Variants in TOP6BL observed in about 807,000 individuals in gnomAD.
TOP6BL encodes type 2 DNA topoisomerase 6 subunit B-like.
the TOP6BL span, chr11:66,796,446 A>C: frequency 3.9e-6 from 4 of 1,015,268 alleles, no homozygotes; most frequent in African/African-American, 6.5e-5. Flanking sequence ...GGACATGGAC[A>C]GATGTGATTG....
the TOP6BL span, among the ~76,000 whole-genome samples, chr11:66,842,523 G>C: frequency 6.6e-6 from 1 of 152,234 alleles, no homozygotes; most frequent in East Asian, 1.9e-4. Context: ...AGGGGGGACA[G>C]AGGCTGGCAG....
chr11:66,753,214 TGCAGGCAA>T, the TOP6BL span, among the ~76,000 whole-genome samples: 1 of 152,118 alleles, frequency 6.6e-6, no homozygotes, highest in African/African-American at 2.4e-5. Context: ...TGTGTGTGTA[TGCAGGCAA>T]GCAGGCAAGT....
At chr11:66,805,354 T>G in the TOP6BL span, among the ~76,000 whole-genome samples, 4 of 152,206 alleles carry the variant, frequency 2.6e-5, no homozygotes, top group Non-Finnish European at 5.9e-5. Context: ...AGTTCATTAT[T>G]AAGGTAGGGA....
chr11:66,765,874 G>T, the TOP6BL span, among the ~76,000 whole-genome samples: 2 of 152,162 alleles, frequency 1.3e-5, no homozygotes, highest in Non-Finnish European at 2.9e-5. Context: ...AAGGAAATTG[G>T]TGAAGAATAA....
the TOP6BL span, chr11:66,801,040 T>G: frequency 1.2e-6 from 2 of 1,613,898 alleles, no homozygotes; most frequent in Non-Finnish European, 8.5e-7. Flanking sequence ...GGGTGGAGAA[T>G]GAACCCACTT....
At chr11:66,766,259 G>A in the TOP6BL span, among the ~76,000 whole-genome samples, 2 of 152,096 alleles carry the variant, frequency 1.3e-5, no homozygotes, top group Non-Finnish European at 2.9e-5. Context: ...TCTTCAATCT[G>A]TTCTACCAGG....
chr11:66,744,823 GGC>G, the TOP6BL span: 1 of 1,293,410 alleles, frequency 7.7e-7, no homozygotes, highest in African/African-American at 1.5e-5. Context: ...AGGAGGGGGC[GGC>G]GGCGGCGGCG....
chr11:66,796,380 G>C, the TOP6BL span: 3 of 1,572,076 alleles, frequency 1.9e-6, no homozygotes, highest in Non-Finnish European at 2.6e-6. Context: ...CTGTTCCTTT[G>C]TACAATAATG....
At chr11:66,745,312 G>GA in the TOP6BL span, among the ~76,000 whole-genome samples, 7 of 149,288 alleles carry the variant, frequency 4.7e-5, no homozygotes, top group African/African-American at 1.5e-4. Flanking sequence ...TGCGGGGCGG[G>GA]GTGGGGGGAG....
the TOP6BL span, among the ~76,000 whole-genome samples, chr11:66,806,123 C>T: frequency 6.6e-6 from 1 of 152,112 alleles, no homozygotes; most frequent in Non-Finnish European, 1.5e-5. Context: ...ATTTTAGAGT[C>T]TCAGTTTCCT....
At chr11:66,791,278 A>G in the TOP6BL span, among the ~76,000 whole-genome samples, 1 of 152,232 alleles carries the variant, frequency 6.6e-6, no homozygotes, top group African/African-American at 2.4e-5. Context: ...GTTTATGCCC[A>G]CAGCTAGTCT....
chr11:66,841,926 C>T, the TOP6BL span, among the ~76,000 whole-genome samples: 1 of 152,218 alleles, frequency 6.6e-6, no homozygotes, highest in Non-Finnish European at 1.5e-5. Context: ...CAAAACCCAG[C>T]TCTGGGGCAG....
chr11:66,837,163 G>A, the TOP6BL span, among the ~76,000 whole-genome samples: 2 of 151,966 alleles, frequency 1.3e-5, no homozygotes, highest in African/African-American at 4.8e-5. Context: ...GTCTCACTCT[G>A]TCGCCCAGGC....
chr11:66,843,035 C>A, the TOP6BL span: 3 of 1,556,560 alleles, frequency 1.9e-6, no homozygotes, highest in Admixed American at 3.9e-5. Context: ...AGGGCCCTGG[C>A]GCCGGGCAGG....
the TOP6BL span, among the ~76,000 whole-genome samples, chr11:66,789,283 A>G: frequency 6.6e-6 from 1 of 152,176 alleles, no homozygotes; most frequent in South Asian, 2.1e-4. Context: ...AGATCTCTTT[A>G]TCGACTTATT....
chr11:66,769,889 C>T, the TOP6BL span, among the ~76,000 whole-genome samples: 1 of 151,668 alleles, frequency 6.6e-6, no homozygotes, highest in Admixed American at 6.6e-5. Context: ...TACAGGCGCC[C>T]ACCACCACGC....
At chr11:66,770,134 A>G in the TOP6BL span, among the ~76,000 whole-genome samples, 1 of 152,158 alleles carries the variant, frequency 6.6e-6, no homozygotes, top group Non-Finnish European at 1.5e-5. Flanking sequence ...AGGAAAGGCC[A>G]TGTGAGGGCA....
chr11:66,823,578 T>TG, the TOP6BL span, among the ~76,000 whole-genome samples: 1 of 152,032 alleles, frequency 6.6e-6, no homozygotes, highest in Non-Finnish European at 1.5e-5. Context: ...CCCAGCACTT[T>TG]GGGAGGCTGA....
At chr11:66,786,297 TAA>T in the TOP6BL span, among the ~76,000 whole-genome samples, 3 of 144,858 alleles carry the variant, frequency 2.1e-5, no homozygotes, top group Non-Finnish European at 4.6e-5. Flanking sequence ...AACTCTGTCT[TAA>T]AAAAAAAAAA....
Sources: allele counts gnomAD v4.1 joint callset (sites outside exome capture counted in the v4.1 genomes callset), GRCh38; gene constraint gnomAD v4.1.1; transcripts MANE v1.5; gene names NCBI Gene and HGNC (gene_info 2026-07-23, HGNC 2026-07-21).